The following TAF1 variants were observed in gnomAD, a reference collection of about 807,000 sequenced individuals.
The protein encoded by TAF1 is transcription initiation factor TFIID subunit 1.
In TAF1, 2 loss-of-function variants were observed where a neutral mutation model predicts 138.5. The observed-to-expected ratio is 0.01, with a 90% confidence interval of 0.01 to 0.05. The LOEUF (loss-of-function observed/expected upper bound fraction) is 0.05, where lower values mean the gene tolerates loss of function less well. Among genes scored for constraint, TAF1 ranks in the 10% least tolerant of loss-of-function variants. The pLI, the probability that TAF1 is intolerant of heterozygous loss-of-function variation, is 1.00. For synonymous variants in TAF1, 437 were observed against 503.2 expected (o/e 0.87, Z 1.76); for missense variants, 709 against 1,478.0 (o/e 0.48, Z 8.53).
intron 28 of TAF1, among the ~76,000 whole-genome samples, chrX:71,412,122 GTTTT>G (rs749385611): frequency 1.7e-4 from 15 of 89,219 alleles, no homozygotes; most frequent in African/African-American, 5.7e-4. Flanking sequence ...TTCATTCCTG[GTTTT>G]TTTTTTTTTT....
At chrX:71,459,364 G>GC (rs1460694838) in intron 35 of TAF1, 188 bp from the exon 36 acceptor site, 1 of 995,287 alleles carries the variant, frequency 1.0e-6, no homozygotes, top group African/African-American at 2.0e-5. Context: ...TCCTTAGTGA[G>GC]CCCCAATCTG....
intron 22 of TAF1, among the ~76,000 whole-genome samples, chrX:71,396,984 C>T (rs140349328): frequency 0.013 from 1,261 of 99,295 alleles, 7 homozygotes; most frequent in African/African-American, 0.033. Context: ...GAGATTGCAC[C>T]ACTGTACTCC....
intron 12 of TAF1, among the ~76,000 whole-genome samples, chrX:71,383,634 T>C (rs1279763103): frequency 2.7e-5 from 3 of 112,041 alleles, no homozygotes; most frequent in African/African-American, 9.7e-5. Flanking sequence ...CCTACTCCAA[T>C]GTAAATGCTA....
At chrX:71,455,734 T>G (rs1157097675) in intron 34 of TAF1, among the ~76,000 whole-genome samples, 2 of 112,521 alleles carry the variant, frequency 1.8e-5, no homozygotes, top group Non-Finnish European at 3.7e-5. Context: ...CACATCTTTA[T>G]CTGTTCTCTG....
At chrX:71,387,848 G>T (rs910881010) in intron 15 of TAF1, among the ~76,000 whole-genome samples, 8 of 109,669 alleles carry the variant, frequency 7.3e-5, no homozygotes, top group African/African-American at 2.7e-4. Context: ...CAGGAGAATC[G>T]CTTGAACCTA....
intron 37 of TAF1, among the ~76,000 whole-genome samples, chrX:71,462,393 T>C (rs1170879873): frequency 9.0e-6 from 1 of 110,767 alleles, no homozygotes; most frequent in Non-Finnish European, 1.9e-5. Context: ...CTGGCCAACA[T>C]GGTGAAACCC....
intron 28 of TAF1, among the ~76,000 whole-genome samples, chrX:71,410,779 C>T (rs949930390): frequency 9.3e-6 from 1 of 107,042 alleles, no homozygotes; most frequent in Non-Finnish European, 1.9e-5. Flanking sequence ...TTCTAATCTA[C>T]ATTTGTGATT....
intron 4 of TAF1, among the ~76,000 whole-genome samples, chrX:71,375,757 A>G (rs1487332597): frequency 2.7e-5 from 3 of 112,128 alleles, no homozygotes; most frequent in African/African-American, 9.7e-5. Context: ...CTCAGCCTCC[A>G]GAGTAGGGGC....
At chrX:71,409,983 C>T (rs2035684903) in intron 28 of TAF1, among the ~76,000 whole-genome samples, 2 of 109,398 alleles carry the variant, frequency 1.8e-5, no homozygotes, top group Non-Finnish European at 3.8e-5. Flanking sequence ...ACCTCCTCCT[C>T]CCAGGTTCCA....
chrX:71,484,240 C>G (rs767671047), intron 13 of TAF1, among the ~76,000 whole-genome samples: 1 of 111,538 alleles, frequency 9.0e-6, no homozygotes, highest in East Asian at 2.8e-4. Flanking sequence ...ATGTTTGAGT[C>G]TCCTGGACTC....
chrX:71,504,639 G>A (rs1292629533), intron 13 of TAF1, among the ~76,000 whole-genome samples: 2 of 103,756 alleles, frequency 1.9e-5, no homozygotes, highest in Admixed American at 1.1e-4. Context: ...ACTAATACTC[G>A]GGAGGCTGAG....
chrX:71,399,207 T>TG (rs1403412928), intron 24 of TAF1, among the ~76,000 whole-genome samples: 1 of 109,804 alleles, frequency 9.1e-6, no homozygotes, highest in Non-Finnish European at 1.9e-5. Flanking sequence ...CCCAAAGTGC[T>TG]GGGATTGCAG....
exon 14 of TAF1, chrX:71,528,719 C>T (rs772250243): frequency 8.5e-5 from 28 of 327,935 alleles, no homozygotes; most frequent in African/African-American, 6.6e-4. Flanking sequence ...AGCCGTGGAC[C>T]TTCGCGGTGA....
intron 32 of TAF1, among the ~76,000 whole-genome samples, chrX:71,452,693 G>C (rs1416292567): frequency 8.9e-6 from 1 of 112,049 alleles, no homozygotes; most frequent in Non-Finnish European, 1.9e-5. Flanking sequence ...TTGGCACTTT[G>C]GGGGGCCAAG....
downstream of TAF1, among the ~76,000 whole-genome samples, chrX:71,469,405 TAATG>T (rs1295305953): frequency 9.0e-6 from 1 of 110,989 alleles, no homozygotes; most frequent in Admixed American, 9.6e-5. Context: ...TGGAAAATAA[TAATG>T]GTGGCTGGGC....
In TAF1 at chrX:71,388,847, A is replaced by G; in HGVS notation, c.2679A>G (p.Ile893Met). 1 of 1,209,749 alleles carries G rather than the reference A, an allele frequency of 8.3e-7. No individual in the cohort carries two copies. The highest frequency in any genetic ancestry group is 1.1e-6 in the Non-Finnish European group (1 of 894,083). ...AGTGCTGTGCTTATTATAGCATGAT[A>G]GCTGCAGAGCAACGACTGAAGGTGA... is the stretch of plus-strand genomic sequence containing the variant. ...PEQCCAYYSMIAAEQRLKDAG... is the reference protein window; with the variant it reads ...PEQCCAYYSMMAAEQRLKDAG... The change falls in exon 17 of 38, where the codon ATA becomes ATG. Residue 893 changes from isoleucine (I) to methionine (M), a missense_variant. Physicochemically the swap from Ile to Met is conservative, Grantham distance 10. Coordinates refer to ENST00000423759, the MANE Select transcript of TAF1 (RefSeq NM_004606.5).
intron 32 of TAF1, among the ~76,000 whole-genome samples, chrX:71,452,446 C>G (rs2038048165): frequency 9.1e-6 from 1 of 110,038 alleles, no homozygotes; most frequent in Non-Finnish European, 1.9e-5. Flanking sequence ...GAGGCGCTCT[C>G]CACATCTCAG....
intron 32 of TAF1, among the ~76,000 whole-genome samples, chrX:71,439,876 C>T (rs1252434718): frequency 8.9e-6 from 1 of 111,947 alleles, no homozygotes; most frequent in Non-Finnish European, 1.9e-5. Context: ...TCTTACATAG[C>T]TGTACTTCAG....
At chrX:71,406,064 C>T (rs1164153229) in intron 25 of TAF1, among the ~76,000 whole-genome samples, 2 of 110,330 alleles carry the variant, frequency 1.8e-5, no homozygotes, top group Non-Finnish European at 3.8e-5. Context: ...TTCGATGGCT[C>T]ACACCTGTAA....
Sources: allele counts gnomAD v4.1 joint callset (sites outside exome capture counted in the v4.1 genomes callset), GRCh38; gene constraint gnomAD v4.1.1; transcripts MANE v1.5; gene names NCBI Gene and HGNC (gene_info 2026-07-23, HGNC 2026-07-21).